Variants in SETD1B observed in about 807,000 individuals in gnomAD.
SETD1B encodes the protein SET domain containing 1B, histone lysine methyltransferase.
In SETD1B, 7 loss-of-function variants were observed where a neutral mutation model predicts 148.0. That is an observed-to-expected ratio of 0.05 (90% CI 0.03 to 0.09). The LOEUF (loss-of-function observed/expected upper bound fraction) is 0.09. Ranked by LOEUF, SETD1B falls within the 10% of genes least tolerant of loss-of-function variation. SETD1B has a pLI of 1.00. For missense variants in SETD1B, 2,155 were observed against 2,729.9 expected (o/e 0.79, Z 4.69); for synonymous variants, 1,361 against 1,186.5 (o/e 1.15, Z -3.02).
At chr12:121,809,212 A>G (rs1232488706) in intron 5 of SETD1B, among the ~76,000 whole-genome samples, 1 of 152,174 alleles carries the variant, frequency 6.6e-6, no homozygotes, top group Admixed American at 6.5e-5. Flanking sequence ...CTGGGTGACT[A>G]GGAGGACAAA....
At chr12:121,811,899 T>C (rs1876049949) in intron 6 of SETD1B, among the ~76,000 whole-genome samples, 1 of 151,958 alleles carries the variant, frequency 6.6e-6, no homozygotes, top group African/African-American at 2.4e-5. Flanking sequence ...CAGGGGGCCT[T>C]GGCAGGGGGC....
In SETD1B at chr12:121,822,675, CT is replaced by C; in HGVS notation, c.4097del (p.Leu1366ProfsTer33). 1 of 1,544,920 alleles carries C rather than the reference CT, an allele frequency of 6.5e-7. No homozygotes were observed. The highest frequency in any genetic ancestry group is 8.8e-7 in the Non-Finnish European group (1 of 1,142,094). ...GGACCACCCCCCGCATACTCCAGGC[CT>C]CTGTGGCAGCCTGGCCAAGTCGCAG... is the stretch of plus-strand genomic sequence containing the variant. ...AEDHPPHTPG[L>X]CGSLAKSQST... On this transcript the variant is annotated frameshift_variant, in exon 12 of 17. Transcript: ENST00000604567. LOFTEE classifies it high-confidence loss of function.
upstream of SETD1B, chr12:121,799,324 AAAC>A (rs1566540385): frequency 6.6e-6 from 1 of 152,276 alleles, no homozygotes; most frequent in East Asian, 1.9e-4. Flanking sequence ...CTGGAGAAGA[AAAC>A]AATCCCAGGA....
chr12:121,818,264 C>T (rs1876395339), intron 10 of SETD1B, among the ~76,000 whole-genome samples: 2 of 152,144 alleles, frequency 1.3e-5, no homozygotes, highest in Non-Finnish European at 2.9e-5. Flanking sequence ...GGAATTATCA[C>T]TTTGTAACGA....
chr12:121,793,715 A>C, the SETD1B span: 2 of 1,250,204 alleles, frequency 1.6e-6, no homozygotes, highest in Non-Finnish European at 1.0e-6. Context: ...GGCCGGAACC[A>C]GCCCCGCCCA....
the SETD1B span, chr12:121,797,289 C>T: frequency 2.6e-6 from 1 of 377,596 alleles, no homozygotes; most frequent in South Asian, 2.0e-5. Context: ...CAAGTCCTGC[C>T]ACCTCCTGGC....
chr12:121,829,812 T>C (rs1877007390), intron 16 of SETD1B, among the ~76,000 whole-genome samples: 1 of 152,168 alleles, frequency 6.6e-6, no homozygotes, highest in Non-Finnish European at 1.5e-5. Flanking sequence ...AAAATAGACA[T>C]ACATTTGGGA....
Position 121,804,600 on chromosome 12 carries a change from C to T in SETD1B, c.-14-124C>T, listed in dbSNP as rs1180220640. The T allele has an allele frequency of 1.3e-6, 1 of 783,666 alleles. No homozygotes were observed. Among genetic ancestry groups the T allele is most frequent in the Non-Finnish European group, 2.0e-6 (1 of 498,794 alleles). The allele number at this position is 783,666 out of a possible 1,614,324, so 48.5% of individuals were successfully genotyped here. On this transcript the variant is annotated intron_variant, in intron 1 of 16. Transcript: ENST00000604567. The surrounding 1 kb of genome is among the most constrained non-coding windows in gnomAD (Gnocchi z 4.6). The stretch of plus-strand genomic sequence containing the variant: ...TTGGGGGGAGCCAGCGAGACAGCTC[C>T]TTTCGGGGCGCGCTGGCAAGGTGGG...
chr12:121,810,755 G>C lies in SETD1B; in HGVS notation c.1810G>C (p.Ala604Pro), dbSNP rs1462694682. 11 of 1,549,798 alleles carry C rather than the reference G, an allele frequency of 7.1e-6. No individual in the cohort carries two copies. The highest frequency in any genetic ancestry group is 7.9e-6 in the Non-Finnish European group (9 of 1,145,868). Residue 604 changes from alanine (A) to proline (P), a missense_variant, in exon 6 of 17, where the codon GCT becomes CCT. Physicochemically the swap from Ala to Pro is conservative, Grantham distance 27. Coordinates refer to ENST00000604567, the MANE Select transcript of SETD1B (RefSeq NM_001353345.2). This position sits in a 1 kb window ranked among gnomAD's most constrained non-coding sequence, Gnocchi z 7.6. ...PPPEPGPPDP[A>P]GLLSQTAEVA... is the part of the protein sequence containing the mutation. ...ACCTGAGCCAGGCCCCCCGGACCCT[G>C]CTGGGCTTCTGAGCCAGACAGCTGA...
rs929028629 is a variant in SETD1B, at chr12:121,831,645, A to C, written c.*1406A>C. On this transcript the variant is annotated 3_prime_UTR_variant, in exon 17 of 17. Transcript: ENST00000604567. Reference sequence around the variant, plus strand: ...CAAAAAAAAAGGAAAAAAAAGACAAAAGCAAGTCCCCCCGTACCCCAGAAA... The same window carrying C: ...CAAAAAAAAAGGAAAAAAAAGACAACAGCAAGTCCCCCCGTACCCCAGAAA... 2 of 152,068 alleles carry C rather than the reference A, an allele frequency of 1.3e-5. No individual in the cohort carries two copies. Among genetic ancestry groups the C allele is most frequent in the Non-Finnish European group, 2.9e-5 (2 of 67,986 alleles). 9.4% of individuals were successfully genotyped at this position (152,068 alleles called of 1,614,324 possible).
chr12:121,807,649 C>T (rs1398777382), intron 4 of SETD1B, among the ~76,000 whole-genome samples: 1 of 152,062 alleles, frequency 6.6e-6, no homozygotes, highest in Non-Finnish European at 1.5e-5. Flanking sequence ...CCTCCTTCTG[C>T]TGAGGGGTGG....
chr12:121,804,785 G>A lies in SETD1B; in HGVS notation c.48G>A (p.Pro16=), dbSNP rs1432765773. The change falls in exon 2 of 17, where the codon CCG becomes CCA. Residue 16 remains proline (P), a synonymous_variant. Transcript: ENST00000604567. This position sits in a 1 kb window ranked among gnomAD's most constrained non-coding sequence, Gnocchi z 4.6. The part of the protein sequence containing the change: ...PPHHHHQQPP[P]QPGPSGERRN... Reference sequence around the variant, plus strand: ...ACCACCACCACCAGCAGCCCCCGCCGCAGCCCGGCCCTTCGGGCGAGAGGA... The same window carrying A: ...ACCACCACCACCAGCAGCCCCCGCCACAGCCCGGCCCTTCGGGCGAGAGGA... 6.5e-7 allele frequency: 1 copy of A among 1,543,868 alleles called. No individual in the cohort carries two copies. Among genetic ancestry groups the A allele is most frequent in the South Asian group, 1.2e-5 (1 of 83,426 alleles).
chr12:121,819,913 CT>C lies in SETD1B; in HGVS notation c.3910+19del. On this transcript the variant is annotated intron_variant, in intron 11 of 16. Transcript: ENST00000604567. ...AGCTCCAGGTAACACCTGCAACCCC[CT>C]GGGAGGGTGGTGGGAGGGAGGCAGG... 6.5e-7 allele frequency: 1 copy of C among 1,541,740 alleles called. No individual in the cohort carries two copies.
the SETD1B span, among the ~76,000 whole-genome samples, chr12:121,791,914 AAGGTGTCCC>A: frequency 2.0e-5 from 3 of 152,198 alleles, no homozygotes; most frequent in Non-Finnish European, 2.9e-5. Flanking sequence ...CATGAGAGTA[AAGGTGTCCC>A]AGACCATGAC....
chr12:121,812,377 C>T (rs1876076339), intron 6 of SETD1B, among the ~76,000 whole-genome samples: 1 of 151,988 alleles, frequency 6.6e-6, no homozygotes, highest in Admixed American at 6.5e-5. Flanking sequence ...GCACTTTTGC[C>T]TTTCTGAGTC....
At chr12:121,797,823 A>G in the SETD1B span, 3 of 346,688 alleles carry the variant, frequency 8.7e-6, no homozygotes, top group East Asian at 7.8e-5. Context: ...GGGAGTATAG[A>G]AGGAGGAGGC....
intron 10 of SETD1B, among the ~76,000 whole-genome samples, chr12:121,818,868 C>A (rs1228958949): frequency 1.4e-5 from 2 of 145,438 alleles, no homozygotes; most frequent in African/African-American, 5.1e-5. Context: ...CCACCCTGGG[C>A]GACAGAGCGA....
intron 16 of SETD1B, among the ~76,000 whole-genome samples, chr12:121,829,255 G>A (rs2137592407): frequency 6.6e-6 from 1 of 152,286 alleles, no homozygotes; most frequent in African/African-American, 2.4e-5. Flanking sequence ...TTTTTCAGGG[G>A]TGAGAGTGGC....
Position 121,830,013 on chromosome 12 carries a change from GTGGGGGACCC to G in SETD1B, c.5728-43_5728-34del, listed in dbSNP as rs894091651. ...GGTTGGGTTTGGGGGGTCTGCAGTG[GTGGGGGACCC>G]TGGGGGACCAGGGGCTCATTCTCCC... On this transcript the variant is annotated intron_variant, in intron 16 of 16. Transcript: ENST00000604567. The surrounding 1 kb of genome is among the most constrained non-coding windows in gnomAD (Gnocchi z 5.7). 1 of 1,517,048 alleles carries G rather than the reference GTGGGGGACCC, an allele frequency of 6.6e-7. No homozygotes were observed. The highest frequency in any genetic ancestry group is 1.2e-5 in the South Asian group (1 of 80,182). The allele number at this position is 1,517,048 out of a possible 1,614,324, so 94.0% of individuals were successfully genotyped here.
Sources: allele counts gnomAD v4.1 joint callset (sites outside exome capture counted in the v4.1 genomes callset), GRCh38; gene constraint gnomAD v4.1.1; non-coding constraint Gnocchi (gnomAD v3.1); transcripts MANE v1.5; gene names NCBI Gene and HGNC (gene_info 2026-07-23, HGNC 2026-07-21).